The following ECD variants were observed in gnomAD, a reference collection of about 807,000 sequenced individuals.
The protein encoded by ECD is ecdysoneless cell cycle regulator.
In ECD, 59 loss-of-function variants were observed where a neutral mutation model predicts 77.2. The observed-to-expected ratio is 0.76, with a 90% CI of 0.62 to 0.95. The LOEUF is 0.95. Ranked by LOEUF, ECD falls within the 40% of genes least tolerant of loss-of-function variation. The probability of loss-of-function intolerance (pLI) is 0.00; values close to 1 mark genes in which losing one functional copy is unlikely to be tolerated. For synonymous variants in ECD, 233 were observed against 267.4 expected (o/e 0.87, Z 1.26); for missense variants, 704 against 763.4 (o/e 0.92, Z 0.92).
chr10:73,142,632 CAAAAA>C (rs35853120), intron 9 of ECD, among the ~76,000 whole-genome samples: 92 of 74,044 alleles, frequency 1.2e-3, no homozygotes, highest in East Asian at 9.7e-4. Context: ...GACTCCATCT[CAAAAA>C]AAAAAAAAAA....
At chr10:73,166,574 G>A (rs562915310) in intron 1 of ECD, among the ~76,000 whole-genome samples, 2 of 152,274 alleles carry the variant, frequency 1.3e-5, no homozygotes, top group South Asian at 4.1e-4. Context: ...ATGATATTGA[G>A]CACCTTTTCA....
At chr10:73,150,723 C>T (rs1447724549) in intron 7 of ECD, among the ~76,000 whole-genome samples, 5 of 152,180 alleles carry the variant, frequency 3.3e-5, no homozygotes, top group African/African-American at 1.2e-4. Context: ...AGGACATGAA[C>T]AGACACTTCT....
At chr10:73,134,872 T>G in intron 13 of ECD, 59 bp from the exon 14 acceptor site, 1 of 1,428,916 alleles carries the variant, frequency 7.0e-7, no homozygotes, top group Non-Finnish European at 9.7e-7. Flanking sequence ...TGCATGGTGG[T>G]TACAATAAAA....
chr10:73,151,147 C>T (rs1160978420), intron 7 of ECD, among the ~76,000 whole-genome samples: 3 of 151,920 alleles, frequency 2.0e-5, no homozygotes, highest in Admixed American at 6.6e-5. Context: ...CAATGATAGA[C>T]TGGATTAAGA....
chr10:73,142,752 C>T (rs565295014), intron 9 of ECD, among the ~76,000 whole-genome samples: 6 of 151,960 alleles, frequency 3.9e-5, no homozygotes, highest in African/African-American at 7.2e-5. Flanking sequence ...AAGTATACTT[C>T]GGCACTTTTC....
chr10:73,162,206 C>A (rs993866262), intron 2 of ECD, among the ~76,000 whole-genome samples: 17 of 152,044 alleles, frequency 1.1e-4, no homozygotes, highest in African/African-American at 4.1e-4. Context: ...AAGACAGGAA[C>A]CAGAGAGGTA....
Position 73,152,413 on chromosome 10 carries a change from G to T in ECD, c.792C>A (p.Phe264Leu). 6.2e-7 allele frequency: 1 copy of T among 1,612,420 alleles called. No individual in the cohort carries two copies. The highest frequency in any genetic ancestry group is 1.1e-5 in the South Asian group (1 of 90,992). ...CCAATTGTGCATATAGACATTTAGTGAATGTGACCTGGGCATCAAGACACA... is the reference window on the plus strand; with the variant it reads ...CCAATTGTGCATATAGACATTTAGTTAATGTGACCTGGGCATCAAGACACA... ...PETRIMTSVT[F>L]TKCLYAQLVQ... is the part of the protein sequence containing the mutation. Residue 264 changes from phenylalanine to leucine, a missense_variant, in exon 7 of 14, where the codon TTC (phenylalanine) becomes TTA (leucine). Around this residue, in one of 3 missense-constraint regions of ECD, gnomAD observed 559 missense variants for 583.7 expected, o/e 0.96. Transcript: ENST00000372979.
In ECD at chr10:73,152,859, G is replaced by A. The variant is rs141942854; in HGVS notation, c.784-438C>T. Reference sequence around the variant, plus strand: ...CCCGGGAGGTGGAGGAAGTTGCAGTGAGCTGAGATTGCTCCACTGCACTCC... The same window carrying A: ...CCCGGGAGGTGGAGGAAGTTGCAGTAAGCTGAGATTGCTCCACTGCACTCC... On this transcript the variant is annotated intron_variant, in intron 6 of 13. Coordinates refer to ENST00000372979, the MANE Select transcript of ECD (RefSeq NM_007265.3). Among the ~76,000 whole-genome samples, 11 of 151,234 alleles carry A rather than the reference G, an allele frequency of 7.3e-5. No individual in the cohort carries two copies. In the East Asian group the frequency reaches 9.9e-4, roughly 14 times the overall value.
At position 73,136,762 on chromosome 10, in the gene ECD, A is replaced by C; in HGVS notation, c.1646T>G (p.Met549Arg). 5.0e-6 allele frequency: 8 copies of C among 1,614,066 alleles called. No homozygotes were observed. Among genetic ancestry groups the C allele is most frequent in the Non-Finnish European group, 5.1e-6 (6 of 1,179,988 alleles). Residue 549 changes from methionine to arginine, a missense_variant, in exon 13 of 14, where the codon ATG (methionine) becomes AGG (arginine). By Grantham distance (91) the Met-to-Arg change is moderately conservative (BLOSUM62 -1). This residue lies in a region of ECD where 142 missense variants were observed against 163.6 expected (regional missense o/e 0.87). Coordinates refer to ENST00000372979, the MANE Select transcript of ECD (RefSeq NM_007265.3). ...GCAGGTGTGTGCTAGTTCCTGGTCCATCTGGGCCATGTATGACTTGAGATT... is the reference window on the plus strand; with the variant it reads ...GCAGGTGTGTGCTAGTTCCTGGTCCCTCTGGGCCATGTATGACTTGAGATT... ...LDNLKSYMAQ[M>R]DQELAHTCIS...
chr10:73,167,624 C>T (rs755541248), intron 1 of ECD, among the ~76,000 whole-genome samples: 1 of 152,124 alleles, frequency 6.6e-6, no homozygotes, highest in Admixed American at 6.5e-5. Context: ...CCCAGAGGGA[C>T]AGACAGTAAT....
At chr10:73,159,644 T>TTTTTTTTC (rs1843348653) in intron 3 of ECD, among the ~76,000 whole-genome samples, 1 of 133,862 alleles carries the variant, frequency 7.5e-6, no homozygotes, top group Admixed American at 7.1e-5. Context: ...GTACTTTAAT[T>TTTTTTTTC]TTTTTTTTTT....
intron 2 of ECD, among the ~76,000 whole-genome samples, chr10:73,161,669 G>T (rs944076755): frequency 6.6e-6 from 1 of 152,064 alleles, no homozygotes; most frequent in Non-Finnish European, 1.5e-5. Flanking sequence ...AAAAGGGAGG[G>T]AATTCCCAAA....
At chr10:73,144,278 T>C (rs951517828) in intron 9 of ECD, among the ~76,000 whole-genome samples, 3 of 152,192 alleles carry the variant, frequency 2.0e-5, no homozygotes, top group Admixed American at 6.5e-5. Flanking sequence ...GGGGAAAGTC[T>C]ATGATATTAT....
intron 13 of ECD, among the ~76,000 whole-genome samples, chr10:73,135,218 CT>C (rs1353922202): frequency 6.6e-6 from 1 of 152,166 alleles, no homozygotes; most frequent in African/African-American, 2.4e-5. Flanking sequence ...GTGTTCCTTT[CT>C]TTCCCCCCAG....
Position 73,139,309 on chromosome 10 carries a change from C to T in ECD, c.1421G>A (p.Arg474Gln), listed in dbSNP as rs1843018880. Residue 474 changes from arginine to glutamine, a missense_variant and splice_region_variant, in exon 11 of 14, where the codon CGA (arginine) becomes CAA (glutamine). Physicochemically the swap from Arg to Gln is conservative, Grantham distance 43. Transcript: ENST00000372979. ...VSTHKGAELP[R>Q]EPSEAPITFD... ...ATATTTATACTTTAACACAAATTACCGAGGCAGCTCTGCTCCCTTGTGGGT... is the reference window on the plus strand; with the variant it reads ...ATATTTATACTTTAACACAAATTACTGAGGCAGCTCTGCTCCCTTGTGGGT... 1.3e-6 allele frequency: 2 copies of T among 1,599,924 alleles called. No homozygotes were observed. Among genetic ancestry groups the T allele is most frequent in the Non-Finnish European group, 1.7e-6 (2 of 1,176,080 alleles).
chr10:73,151,415 AT>A lies in ECD; in HGVS notation c.912+877del, dbSNP rs555108509. Among the ~76,000 whole-genome samples the A allele has an allele frequency of 1.6e-3, 247 of 151,560 alleles. 3 individuals are homozygous for A. The highest frequency in any genetic ancestry group is 5.7e-3 in the African/African-American group (235 of 41,308). On this transcript the variant is annotated intron_variant, in intron 7 of 13. Transcript: ENST00000372979. ...GGGGGGAGGGACAGCATTAGGAGAT[AT>A]ATCTAATATAAATGACGAGTTAATG...
chr10:73,156,630 A>G lies in ECD; in HGVS notation c.349T>C (p.Leu117=). ...ARIEDNDGEF[L]LIEAADFLPK... is the part of the protein sequence containing the mutation. ...AGAAAGTCAGCAGCTTCTATTAACA[A>G]GAATTCACCATCATTGTCTTCAATC... The change falls in exon 4 of 14, where the codon TTG becomes CTG. Residue 117 remains leucine (L), a synonymous_variant. Transcript: ENST00000372979. The G allele has an allele frequency of 1.2e-6, 2 of 1,613,818 alleles. No individual in the cohort carries two copies. Among genetic ancestry groups the G allele is most frequent in the Non-Finnish European group, 1.7e-6 (2 of 1,180,034 alleles).
At chr10:73,153,107 A>T (rs978877949) in intron 6 of ECD, among the ~76,000 whole-genome samples, 3 of 151,874 alleles carry the variant, frequency 2.0e-5, no homozygotes, top group Admixed American at 2.0e-4. Flanking sequence ...CCTCAGGGAT[A>T]GGGTTTCACC....
Position 73,146,258 on chromosome 10 carries a change from G to A in ECD, c.1127+18C>T, listed in dbSNP as rs780033588. The A allele has an allele frequency of 6.7e-7, 1 of 1,482,070 alleles. No homozygotes were observed. The highest frequency in any genetic ancestry group is 1.8e-5 in the Admixed American group (1 of 57,084). 91.8% of individuals were successfully genotyped at this position (1,482,070 alleles called of 1,614,324 possible). On this transcript the variant is annotated intron_variant, in intron 9 of 13. Transcript: ENST00000372979. Reference sequence around the variant, plus strand: ...CTAAATACCAATCTTTGTAGTAGGAGTCTTAACAATAACTCACCTTTCTGG... The same window carrying A: ...CTAAATACCAATCTTTGTAGTAGGAATCTTAACAATAACTCACCTTTCTGG...
Sources: gnomAD v4.1 joint callset for allele counts (sites outside exome capture counted in the v4.1 genomes callset) on GRCh38, gnomAD v4.1.1 for gene constraint, gnomAD v4.1.1 regional missense constraint, MANE v1.5 for transcripts, NCBI Gene and HGNC (gene_info 2026-07-23, HGNC 2026-07-21) for gene names.